The following FMN1 variants were observed in gnomAD, a reference collection of about 807,000 sequenced individuals.
FMN1 encodes the protein formin-1.
FMN1 carries 110 observed loss-of-function variants against 132.4 expected under a neutral mutation model. The observed-to-expected ratio is 0.83, with a 90% CI of 0.71 to 0.97. The LOEUF (loss-of-function observed/expected upper bound fraction) is 0.97, where lower values mean the gene tolerates loss of function less well. Among genes scored for constraint, FMN1 ranks in the 50% least tolerant of loss-of-function variants. The pLI is 0.00. For missense variants in FMN1, 1,792 were observed against 1,705.3 expected, an observed-to-expected ratio of 1.05 and a Z score of -0.90; for synonymous variants, 722 against 651.7, an observed-to-expected ratio of 1.11 and a Z score of -1.64.
intron 3 of FMN1, among the ~76,000 whole-genome samples, chr15:33,175,382 C>T (rs1965481408): frequency 6.6e-6 from 1 of 152,068 alleles, no homozygotes; most frequent in African/African-American, 2.4e-5. Context: ...AGGAATTATT[C>T]TTTAAGAGCT....
intron 19 of FMN1, among the ~76,000 whole-genome samples, chr15:32,778,750 G>A (rs751499640): frequency 1.6e-4 from 25 of 151,974 alleles, no homozygotes; most frequent in Non-Finnish European, 3.2e-4. Flanking sequence ...CAGTTTGGCC[G>A]TTTTCCAAAA....
At chr15:33,048,301 T>C (rs984305836) in intron 6 of FMN1, among the ~76,000 whole-genome samples, 4 of 152,244 alleles carry the variant, frequency 2.6e-5, no homozygotes, top group Middle Eastern at 3.4e-3. Context: ...CCCTTAGCTA[T>C]GCAAAGAAGT....
intron 17 of FMN1, among the ~76,000 whole-genome samples, chr15:32,829,649 G>A (rs1353443701): frequency 2.0e-5 from 3 of 152,156 alleles, no homozygotes; most frequent in African/African-American, 7.2e-5. Flanking sequence ...ACCTTATTTG[G>A]TGTTGGTATG....
chr15:33,083,136 T>C (rs2038551581), intron 5 of FMN1, among the ~76,000 whole-genome samples: 1 of 152,240 alleles, frequency 6.6e-6, no homozygotes, highest in Admixed American at 6.5e-5. Context: ...AAATACACTG[T>C]ATATTTCGTC....
At chr15:32,825,390 G>C (rs1298061531) in intron 17 of FMN1, among the ~76,000 whole-genome samples, 2 of 152,176 alleles carry the variant, frequency 1.3e-5, no homozygotes, top group Non-Finnish European at 2.9e-5. Flanking sequence ...CTCTCAGTAT[G>C]CCAAGCTCTC....
At chr15:33,022,222 G>A (rs1310589111) in intron 6 of FMN1, among the ~76,000 whole-genome samples, 1 of 152,044 alleles carries the variant, frequency 6.6e-6, no homozygotes, top group South Asian at 2.1e-4. Context: ...TTTCCCAAAT[G>A]TTTCCAATCT....
intron 4 of FMN1, among the ~76,000 whole-genome samples, chr15:33,128,004 G>A (rs754098472): frequency 5.3e-5 from 8 of 152,158 alleles, no homozygotes; most frequent in African/African-American, 1.2e-4. Flanking sequence ...GGGGGAAGGG[G>A]AAAATAGACA....
chr15:33,117,799 C>CA (rs1469822547), intron 4 of FMN1, among the ~76,000 whole-genome samples: 1 of 152,096 alleles, frequency 6.6e-6, no homozygotes, highest in East Asian at 1.9e-4. Context: ...ACCACTAGAG[C>CA]AAACAATGGT....
chr15:33,049,757 C>A (rs2036879710), intron 6 of FMN1, among the ~76,000 whole-genome samples: 1 of 152,180 alleles, frequency 6.6e-6, no homozygotes, highest in Non-Finnish European at 1.5e-5. Flanking sequence ...AAATCGTGTT[C>A]AAATAAGGCA....
chr15:33,188,213 G>T (rs978947188), intron 2 of FMN1, among the ~76,000 whole-genome samples: 8 of 151,828 alleles, frequency 5.3e-5, no homozygotes, highest in African/African-American at 1.9e-4. Context: ...GGTGGCGCAC[G>T]CCTGTGATCC....
At chr15:32,989,168 T>C (rs12101357) in intron 7 of FMN1, among the ~76,000 whole-genome samples, 8,416 of 152,318 alleles carry the variant, frequency 0.055, 299 homozygotes, top group Non-Finnish European at 0.081. Context: ...CAACCAGTGA[T>C]TAATTTATAG....
intron 17 of FMN1, among the ~76,000 whole-genome samples, chr15:32,832,622 C>CA (rs1344047096): frequency 1.3e-5 from 2 of 152,008 alleles, no homozygotes; most frequent in Admixed American, 1.3e-4. Flanking sequence ...TACTAAAATA[C>CA]AAAAAATTAG....
chr15:32,905,979 T>C (rs959226961), intron 12 of FMN1, among the ~76,000 whole-genome samples: 7 of 152,186 alleles, frequency 4.6e-5, no homozygotes, highest in African/African-American at 1.4e-4. Context: ...TTTGCTGGGT[T>C]TGCGTGTTCA....
At chr15:32,880,342 C>T (rs1352303636) in intron 16 of FMN1, among the ~76,000 whole-genome samples, 2 of 152,082 alleles carry the variant, frequency 1.3e-5, no homozygotes, top group Non-Finnish European at 1.5e-5. Context: ...GTTAAATGAA[C>T]CTCACACTTG....
rs1037387576 is a variant in FMN1, at chr15:32,770,840, A to G, written c.*3470T>C. ...ACTTCTCAGATTTCAGAAAATCTTT[A>G]TAATTCCTGAGTAGTTGCAGTGAGT... On this transcript the variant is annotated 3_prime_UTR_variant, in exon 21 of 21. Coordinates refer to ENST00000616417, the MANE Select transcript of FMN1 (RefSeq NM_001277313.2). 8 of 150,894 alleles carry G rather than the reference A, an allele frequency of 5.3e-5. No individual in the cohort carries two copies. Among genetic ancestry groups the G allele is most frequent in the East Asian group, 2.0e-4 (1 of 4,990 alleles). 9.3% of individuals were successfully genotyped at this position (150,894 alleles called of 1,614,324 possible).
At chr15:33,123,647 T>C (rs1481245408) in intron 4 of FMN1, among the ~76,000 whole-genome samples, 3 of 152,224 alleles carry the variant, frequency 2.0e-5, no homozygotes, top group African/African-American at 7.2e-5. Context: ...AGCTATTTTA[T>C]AGAATGCATG....
Position 32,765,701 on chromosome 15 carries a change from G to T in FMN1, c.*8609C>A, listed in dbSNP as rs890358702. 6.6e-6 allele frequency: 1 copy of T among 152,100 alleles called. No individual in the cohort carries two copies. The highest frequency in any genetic ancestry group is 6.5e-5 in the Admixed American group (1 of 15,278). 9.4% of individuals were successfully genotyped at this position (152,100 alleles called of 1,614,324 possible). On this transcript the variant is annotated 3_prime_UTR_variant, in exon 21 of 21. Transcript: ENST00000616417. ...ATAAATATAATCTATCACAGAGATA[G>T]AATTTTTTGAATAGACAATTGACGT...
intron 17 of FMN1, among the ~76,000 whole-genome samples, chr15:32,835,149 G>C (rs988261898): frequency 6.6e-6 from 1 of 152,174 alleles, no homozygotes; most frequent in Non-Finnish European, 1.5e-5. Context: ...AAGAGCTGGA[G>C]GAGAGGGCAG....
chr15:33,057,897 G>T (rs773468508), intron 6 of FMN1, among the ~76,000 whole-genome samples: 1 of 146,668 alleles, frequency 6.8e-6, no homozygotes, highest in Non-Finnish European at 1.5e-5. Flanking sequence ...ATCTGAAAGA[G>T]TGTGCTCTAT....
Sources: allele counts gnomAD v4.1 joint callset (sites outside exome capture counted in the v4.1 genomes callset), GRCh38; gene constraint gnomAD v4.1.1; transcripts MANE v1.5; gene names NCBI Gene and HGNC (gene_info 2026-07-23, HGNC 2026-07-21).